The following LARGE1 variants were observed in gnomAD, a reference collection of about 807,000 sequenced individuals.
LARGE1 encodes the protein xylosyl- and glucuronyltransferase LARGE1.
A neutral mutation model predicts 87.6 loss-of-function variants in LARGE1; 43 were observed. The observed-to-expected ratio is 0.49, with a 90% CI of 0.38 to 0.63. LARGE1 has a LOEUF of 0.63. Ranked by LOEUF, LARGE1 falls within the 30% of genes least tolerant of loss-of-function variation. The probability of loss-of-function intolerance (pLI) is 0.00; values close to 1 mark genes in which losing one functional copy is unlikely to be tolerated. For synonymous variants in LARGE1, 434 were observed against 394.6 expected, an observed-to-expected ratio of 1.10 and a Z score of -1.18; for missense variants, 802 against 1,000.2, an observed-to-expected ratio of 0.80 and a Z score of 2.67.
rs1928450269 is a variant in LARGE1 at position 33,272,999 on chromosome 22, T to C, written c.*1428A>G. 2 of 162,936 alleles carry C rather than the reference T, an allele frequency of 1.2e-5. No individual in the cohort carries two copies. Among genetic ancestry groups the C allele is most frequent in the African/African-American group, 4.8e-5 (2 of 41,902 alleles). 10.1% of individuals were successfully genotyped at this position (162,936 alleles called of 1,614,324 possible). The stretch of plus-strand genomic sequence containing the variant: ...GAATGGGGGAACAGAAAGTGTGAAG[T>C]TGCTGTTTATCCACTGCAATTTAGC... On this transcript the variant is annotated 3_prime_UTR_variant, in exon 15 of 15. Coordinates refer to ENST00000397394, the MANE Select transcript of LARGE1 (RefSeq NM_133642.5).
intron 2 of LARGE1, among the ~76,000 whole-genome samples, chr22:33,759,175 C>G (rs903637100): frequency 6.6e-6 from 1 of 152,196 alleles, no homozygotes; most frequent in Non-Finnish European, 1.5e-5. Flanking sequence ...TGCCTGAAGC[C>G]TGCCCTACCT....
chr22:33,537,847 G>A (rs1053366979), intron 6 of LARGE1, among the ~76,000 whole-genome samples: 8 of 152,006 alleles, frequency 5.3e-5, no homozygotes, highest in Non-Finnish European at 8.8e-5. Flanking sequence ...CTGGGATTAC[G>A]GGCGTGAGCC....
intron 6 of LARGE1, among the ~76,000 whole-genome samples, chr22:33,534,335 C>T (rs1248203890): frequency 7.9e-5 from 12 of 151,746 alleles, no homozygotes; most frequent in African/African-American, 2.4e-4. Flanking sequence ...ACCCAGGAGG[C>T]GGAGCTTGCA....
rs535819861 is a variant in LARGE1 at position 33,475,616 on chromosome 22, G to A, written c.788-43351C>T. ...AGCTGGGATTACAGGCATGCACCAC[G>A]ACACCTGGCTAATTTTTTGTATTTT... On this transcript the variant is annotated intron_variant, in intron 6 of 14. Coordinates refer to ENST00000397394, the MANE Select transcript of LARGE1 (RefSeq NM_133642.5). 4.6e-4 allele frequency among the ~76,000 whole-genome samples: 70 copies of A among 151,720 alleles called. 2 individuals carry two copies. In the South Asian group the frequency reaches 9.6e-3, roughly 21 times the overall value.
At chr22:33,153,596 C>T in the LARGE1 span, among the ~76,000 whole-genome samples, 1 of 152,172 alleles carries the variant, frequency 6.6e-6, no homozygotes, top group African/African-American at 2.4e-5. Context: ...ATAGTACTTA[C>T]TCATGGTGGG....
At chr22:33,551,606 C>CT (rs1170965432) in intron 6 of LARGE1, among the ~76,000 whole-genome samples, 2 of 152,168 alleles carry the variant, frequency 1.3e-5, no homozygotes, top group Non-Finnish European at 2.9e-5. Context: ...AAGGTGTGGA[C>CT]TTTATCTCCA....
At chr22:33,905,123 T>C (rs2065407089) in intron 1 of LARGE1, among the ~76,000 whole-genome samples, 1 of 145,780 alleles carries the variant, frequency 6.9e-6, no homozygotes. Context: ...TGGAGTGCAA[T>C]GGCGTGACCA....
chr22:33,101,302 A>T, the LARGE1 span, among the ~76,000 whole-genome samples: 4 of 152,206 alleles, frequency 2.6e-5, no homozygotes, highest in African/African-American at 9.6e-5. Context: ...TTCTGGCTTT[A>T]GCATTTATCA....
chr22:33,779,742 C>T (rs776274644), intron 1 of LARGE1, among the ~76,000 whole-genome samples: 3 of 150,232 alleles, frequency 2.0e-5, no homozygotes, highest in South Asian at 2.1e-4. Flanking sequence ...GCCAAGATCG[C>T]GCAACTGCAG....
intron 9 of LARGE1, among the ~76,000 whole-genome samples, chr22:33,373,331 T>C (rs1466972475): frequency 6.6e-6 from 1 of 152,236 alleles, no homozygotes; most frequent in Non-Finnish European, 1.5e-5. Flanking sequence ...TTCTGAAATC[T>C]GTTTAACTGC....
intron 2 of LARGE1, among the ~76,000 whole-genome samples, chr22:33,679,106 A>C (rs796991465): frequency 1.1e-4 from 17 of 152,350 alleles, no homozygotes; most frequent in African/African-American, 4.1e-4. Flanking sequence ...CATTAAAATA[A>C]AAGCTTCTGA....
the LARGE1 span, among the ~76,000 whole-genome samples, chr22:33,125,248 G>T: frequency 6.6e-6 from 1 of 152,158 alleles, no homozygotes; most frequent in Non-Finnish European, 1.5e-5. Context: ...CCTACCTCAT[G>T]TGGAGTTACT....
intron 7 of LARGE1, among the ~76,000 whole-genome samples, chr22:33,424,641 A>G (rs1196728308): frequency 2.0e-5 from 3 of 151,756 alleles, no homozygotes; most frequent in African/African-American, 7.3e-5. Flanking sequence ...CCTGAGCAAC[A>G]AAGTGAGACC....
the LARGE1 span, among the ~76,000 whole-genome samples, chr22:33,118,116 A>G: frequency 6.6e-6 from 1 of 152,208 alleles, no homozygotes. Context: ...GTGGGGACAC[A>G]CATCCAAACT....
intron 6 of LARGE1, among the ~76,000 whole-genome samples, chr22:33,465,617 G>GAT (rs1166862211): frequency 1.3e-5 from 2 of 152,200 alleles, no homozygotes; most frequent in Non-Finnish European, 2.9e-5. Context: ...GTACCATAAG[G>GAT]CGTTCTTTAA....
chr22:33,706,479 G>T (rs2082566345), intron 2 of LARGE1, among the ~76,000 whole-genome samples: 1 of 152,228 alleles, frequency 6.6e-6, no homozygotes, highest in Non-Finnish European at 1.5e-5. Flanking sequence ...AGAAGCCACA[G>T]GTTCAAGTCC....
intron 1 of LARGE1, among the ~76,000 whole-genome samples, chr22:33,864,726 T>C (rs1297471954): frequency 1.3e-5 from 2 of 152,112 alleles, no homozygotes; most frequent in South Asian, 2.1e-4. Context: ...GACATATAGA[T>C]TTAAGTGGCC....
chr22:33,806,506 A>G (rs5754683), intron 1 of LARGE1, among the ~76,000 whole-genome samples: 64,865 of 152,036 alleles, frequency 0.43, 13,994 homozygotes, highest in East Asian at 0.58. Context: ...TTCCTTGAAC[A>G]CTTTCTGAGA....
chr22:33,703,355 G>GAAA (rs780406393), intron 2 of LARGE1, among the ~76,000 whole-genome samples: 2 of 86,648 alleles, frequency 2.3e-5, no homozygotes, highest in African/African-American at 4.0e-5. Flanking sequence ...AGCCTAAAGT[G>GAAA]AAAAAAAAAA....
Sources: allele counts gnomAD v4.1 joint callset (sites outside exome capture counted in the v4.1 genomes callset), GRCh38; gene constraint gnomAD v4.1.1; transcripts MANE v1.5; gene names NCBI Gene and HGNC (gene_info 2026-07-23, HGNC 2026-07-21).